Variants in B4GALT6 observed in about 807,000 individuals in gnomAD.
B4GALT6 encodes UDP-Gal:beta-GlcNAc beta-1,4-galactosyltransferase 6.
In B4GALT6, 14 loss-of-function variants were observed where a neutral mutation model predicts 46.3. The ratio of observed to expected loss-of-function variants is 0.30; its 90% CI spans 0.20 to 0.47. The LOEUF is 0.47. Ranked by LOEUF, B4GALT6 falls within the 20% of genes least tolerant of loss-of-function variation. The pLI is 0.99. For missense variants in B4GALT6, 386 were observed against 480.1 expected, an observed-to-expected ratio of 0.80 and a Z score of 1.83; for synonymous variants, 168 against 162.0, an observed-to-expected ratio of 1.04 and a Z score of -0.28.
At chr18:31,698,372 T>C in the B4GALT6 span, among the ~76,000 whole-genome samples, 1 of 152,158 alleles carries the variant, frequency 6.6e-6, no homozygotes, top group African/African-American at 2.4e-5. Flanking sequence ...ACATCTGTAA[T>C]CACAGCACTT....
rs113692750 is a variant in B4GALT6, at chr18:31,677,588, C to T, written c.115+6724G>A. 1.2e-3 allele frequency among the ~76,000 whole-genome samples: 186 copies of T among 152,346 alleles called. 1 individual carries two copies. Among genetic ancestry groups the T allele is most frequent in the African/African-American group, 4.3e-3 (177 of 41,576 alleles). On this transcript the variant is annotated intron_variant, in intron 1 of 8. Coordinates refer to ENST00000306851, the MANE Select transcript of B4GALT6 (RefSeq NM_004775.5). ...CCTCAGAAAACCTACTCTCAATCTT[C>T]ACTTGAATCGATCTTCAACCTGAAT...
chr18:31,653,648 T>C (rs985750286), intron 3 of B4GALT6, among the ~76,000 whole-genome samples: 7 of 151,994 alleles, frequency 4.6e-5, no homozygotes, highest in African/African-American at 1.7e-4. Flanking sequence ...GGTTTCACCA[T>C]GTTGGCCAGG....
At chr18:31,678,356 GC>G (rs1323104407) in intron 1 of B4GALT6, among the ~76,000 whole-genome samples, 1 of 151,824 alleles carries the variant, frequency 6.6e-6, no homozygotes, top group Non-Finnish European at 1.5e-5. Context: ...TTTTCAATAA[GC>G]CTCAACTCTG....
At chr18:31,652,561 C>T (rs2074085033) in intron 3 of B4GALT6, among the ~76,000 whole-genome samples, 1 of 152,156 alleles carries the variant, frequency 6.6e-6, no homozygotes, top group African/African-American at 2.4e-5. Context: ...GATGTTCAGT[C>T]CGGATCTCTT....
chr18:31,718,957 A>C, the B4GALT6 span: 1 of 152,172 alleles, frequency 6.6e-6, no homozygotes, highest in African/African-American at 2.4e-5. Context: ...GATTTGGCTG[A>C]CCTGGCTGGC....
At chr18:31,666,988 G>A (rs918855865) in intron 1 of B4GALT6, among the ~76,000 whole-genome samples, 1 of 152,120 alleles carries the variant, frequency 6.6e-6, no homozygotes, top group Non-Finnish European at 1.5e-5. Flanking sequence ...CAAAATCAAT[G>A]TGTATTTTTA....
chr18:31,712,287 A>AC, the B4GALT6 span, among the ~76,000 whole-genome samples: 1,039 of 84,670 alleles, frequency 0.012, 109 homozygotes, highest in African/African-American at 0.046. Flanking sequence ...CTGGGACGTT[A>AC]TTTTTTTTTT....
intron 1 of B4GALT6, among the ~76,000 whole-genome samples, chr18:31,668,829 G>A (rs535603694): frequency 1.4e-5 from 2 of 144,660 alleles, no homozygotes; most frequent in African/African-American, 5.0e-5. Context: ...GTGAAATGCC[G>A]TCTCTACTAA....
chr18:31,712,730 A>G, the B4GALT6 span, among the ~76,000 whole-genome samples: 4 of 151,910 alleles, frequency 2.6e-5, no homozygotes, highest in African/African-American at 9.7e-5. Flanking sequence ...CCACTGCCCT[A>G]TTTTTCAGGG....
intron 6 of B4GALT6, 142 bp from the exon 7 acceptor site, chr18:31,627,263 C>T (rs7239174): frequency 6.7e-5 from 40 of 600,818 alleles, no homozygotes; most frequent in Non-Finnish European, 9.8e-5. Context: ...GTAAAGTACA[C>T]CAAGACATAA....
intron 1 of B4GALT6, among the ~76,000 whole-genome samples, chr18:31,673,831 G>C (rs971050835): frequency 2.0e-5 from 3 of 152,148 alleles, no homozygotes; most frequent in African/African-American, 7.2e-5. Context: ...AGGATTCTGA[G>C]ATGAGGAGAT....
At chr18:31,659,499 G>A (rs1050435617) in intron 2 of B4GALT6, among the ~76,000 whole-genome samples, 1 of 152,190 alleles carries the variant, frequency 6.6e-6, no homozygotes, top group Admixed American at 6.5e-5. Flanking sequence ...ACGGGCAAAG[G>A]TTCCAGGCTG....
chr18:31,640,531 T>C lies in B4GALT6; in HGVS notation c.472-1771A>G, dbSNP rs567096472. ...ATGGGATAGCAAAAACAAGAGACAA[T>C]GGCTGCTATGAGGCTGATGTTTTCA... On this transcript the variant is annotated intron_variant, in intron 4 of 8. Transcript: ENST00000306851. 4.7e-4 allele frequency among the ~76,000 whole-genome samples: 71 copies of C among 152,302 alleles called. No individual in the cohort carries two copies. In the South Asian group the frequency reaches 0.011, roughly 23 times the overall value.
the B4GALT6 span, among the ~76,000 whole-genome samples, chr18:31,720,540 C>A: frequency 2.0e-5 from 3 of 152,224 alleles, no homozygotes; most frequent in Non-Finnish European, 2.9e-5. Context: ...CCAGGGAGTT[C>A]CCAAAAGGAC....
chr18:31,659,555 A>G (rs1196503844), intron 2 of B4GALT6, among the ~76,000 whole-genome samples: 1 of 152,182 alleles, frequency 6.6e-6, no homozygotes, highest in Non-Finnish European at 1.5e-5. Context: ...TCCAATTCCA[A>G]AGAAGTGCTT....
the B4GALT6 span, among the ~76,000 whole-genome samples, chr18:31,692,275 G>C: frequency 6.6e-6 from 1 of 152,152 alleles, no homozygotes; most frequent in African/African-American, 2.4e-5. Flanking sequence ...TTTAAGAGAT[G>C]CTGGCAAACA....
At chr18:31,692,225 T>C in the B4GALT6 span, among the ~76,000 whole-genome samples, 1 of 152,204 alleles carries the variant, frequency 6.6e-6, no homozygotes, top group Non-Finnish European at 1.5e-5. Flanking sequence ...ATATATTTAG[T>C]AGTCAAAATT....
At chr18:31,661,941 T>C (rs1001606099) in intron 2 of B4GALT6, among the ~76,000 whole-genome samples, 6 of 152,252 alleles carry the variant, frequency 3.9e-5, no homozygotes, top group African/African-American at 1.4e-4. Context: ...TCATCATTAA[T>C]GCTTGGGCTC....
intron 3 of B4GALT6, among the ~76,000 whole-genome samples, chr18:31,646,265 T>C (rs2073989905): frequency 6.6e-6 from 1 of 152,330 alleles, no homozygotes; most frequent in East Asian, 1.9e-4. Flanking sequence ...TTAACAAATA[T>C]ATGACATTAC....
Sources: gnomAD v4.1 joint callset for allele counts (sites outside exome capture counted in the v4.1 genomes callset) on GRCh38, gnomAD v4.1.1 for gene constraint, MANE v1.5 for transcripts, NCBI Gene and HGNC (gene_info 2026-07-23, HGNC 2026-07-21) for gene names.